Variants in SEZ6L2 observed in about 807,000 individuals in gnomAD.
The protein encoded by SEZ6L2 is seizure 6-like protein 2.
In SEZ6L2, 44 loss-of-function variants were observed where a neutral mutation model predicts 97.0. That is an observed-to-expected ratio of 0.45 (90% CI 0.36 to 0.58). SEZ6L2 has a LOEUF of 0.58. Ranked by LOEUF, SEZ6L2 falls within the 20% of genes least tolerant of loss-of-function variation. The pLI is 0.00. For missense variants in SEZ6L2, 1,086 were observed against 1,233.3 expected (o/e 0.88, Z 1.79); for synonymous variants, 543 against 546.1 (o/e 0.99, Z 0.08).
chr16:29,879,741 T>C, intron 9 of SEZ6L2, 123 bp downstream of exon 9: 1 of 863,776 alleles, frequency 1.2e-6, no homozygotes, highest in Non-Finnish European at 1.8e-6. Context: ...GACAGGGATT[T>C]ACCCAAGGCT....
chr16:29,879,238 T>TTCTG (rs947426642), intron 9 of SEZ6L2, among the ~76,000 whole-genome samples: 1 of 126,538 alleles, frequency 7.9e-6, no homozygotes, highest in Admixed American at 7.4e-5. Context: ...CTTTCTTTCT[T>TTCTG]TTTTGAGACG....
chr16:29,872,894 A>G, intron 14 of SEZ6L2, 151 bp from the exon 15 acceptor site: 1 of 682,720 alleles, frequency 1.5e-6, no homozygotes, highest in Non-Finnish European at 2.5e-6. Flanking sequence ...GGGAAGAGAG[A>G]GGAGTGACCA....
rs371152293 is a variant in SEZ6L2 at position 29,877,359 on chromosome 16, G to T, written c.1821C>A (p.Ser607=). 18 of 1,613,124 alleles carry T rather than the reference G, an allele frequency of 1.1e-5. No individual in the cohort carries two copies. The highest frequency in any genetic ancestry group is 1.5e-5 in the Non-Finnish European group (18 of 1,179,666). ...RGPQPRRRLL[S]SGPDLTLQFQ... ...ACTGCAGTGTGAGGTCGGGCCCAGAGGAGAGAAGGCGGCGGCGCGGCTGAG... is the reference window on the plus strand; with the variant it reads ...ACTGCAGTGTGAGGTCGGGCCCAGATGAGAGAAGGCGGCGGCGCGGCTGAG... The change falls in exon 11 of 18, where the codon TCC becomes TCA. Residue 607 remains serine (S), a synonymous_variant. Transcript: ENST00000617533.
chr16:29,892,127 T>C (rs778155473), intron 5 of SEZ6L2, among the ~76,000 whole-genome samples: 6 of 152,156 alleles, frequency 3.9e-5, no homozygotes, highest in Non-Finnish European at 5.9e-5. Flanking sequence ...GGCTTTGTAA[T>C]GGGAAAGTTT....
At position 29,875,821 on chromosome 16, in the gene SEZ6L2, C is replaced by A. The variant is rs1169598150; in HGVS notation, c.2104+935G>T. 2.0e-5 allele frequency among the ~76,000 whole-genome samples: 3 copies of A among 151,890 alleles called. 1 individual carries two copies. Among genetic ancestry groups the A allele is most frequent in the African/African-American group, 7.3e-5 (3 of 41,346 alleles). On this transcript the variant is annotated intron_variant, in intron 12 of 17. Transcript: ENST00000617533. ...GGGATTACAGGCGTATGCCACCATG[C>A]CCAGATAGTTTTTTATTTTTAGTAG...
chr16:29,895,178 CA>C (rs55954869), intron 5 of SEZ6L2, 80 bp downstream of exon 5: 193,491 of 565,806 alleles, frequency 0.34, 14,326 homozygotes, highest in African/African-American at 0.41. Context: ...GACTCTGTCT[CA>C]AAAAAAAAAA....
chr16:29,871,827 A>G, intron 17 of SEZ6L2, 99 bp from the exon 18 acceptor site: 1 of 1,083,108 alleles, frequency 9.2e-7, no homozygotes, highest in Non-Finnish European at 1.4e-6. Context: ...TTAAAGTAAC[A>G]TTGACCTCTA....
At chr16:29,895,675 G>A (rs1334267647) in intron 4 of SEZ6L2, 46 bp downstream of exon 4, 9 of 1,585,040 alleles carry the variant, frequency 5.7e-6, no homozygotes, top group African/African-American at 2.7e-5. Context: ...ACAGCCCAGA[G>A]GAAAAGGCTT....
At chr16:29,890,965 G>A (rs775402668) in intron 5 of SEZ6L2, among the ~76,000 whole-genome samples, 7 of 148,854 alleles carry the variant, frequency 4.7e-5, no homozygotes, top group South Asian at 4.3e-4. Flanking sequence ...TTTTTGAGAC[G>A]GAGTATTGCT....
In SEZ6L2 at chr16:29,895,443, C is replaced by A; in HGVS notation, c.669G>T (p.Leu223=). ...GCACCAGGAGCTCCTCTTCCTGTGA[C>A]AGGTTCAGCGTCTGCACCTAGAGAA... ...GIEIQVQTLN[L]SQEEELLVLA... The change falls in exon 5 of 18, where the codon CTG becomes CTT. Residue 223 remains leucine (L), a synonymous_variant. Coordinates refer to ENST00000617533, the MANE Select transcript of SEZ6L2 (RefSeq NM_001243332.2). 6.2e-7 allele frequency: 1 copy of A among 1,614,082 alleles called. No individual in the cohort carries two copies. The highest frequency in any genetic ancestry group is 8.5e-7 in the Non-Finnish European group (1 of 1,180,000).
rs749531399 is a variant in SEZ6L2 at position 29,895,340 on chromosome 16, G to A, written c.772C>T (p.Arg258Trp). The A allele has an allele frequency of 3.0e-5, 49 of 1,614,018 alleles. No individual in the cohort carries two copies. Among genetic ancestry groups the A allele is most frequent in the Non-Finnish European group, 3.7e-5 (44 of 1,180,048 alleles). Residue 258 changes from arginine (R) to tryptophan (W), a missense_variant, in exon 5 of 18, where the codon CGG (arginine) becomes TGG (tryptophan). By Grantham distance (101) the Arg-to-Trp change is moderately radical. Coordinates refer to ENST00000617533, the MANE Select transcript of SEZ6L2 (RefSeq NM_001243332.2). The part of the protein sequence containing the change: ...SSMLGEGQVL[R>W]SPTNRLLLHF... The stretch of plus-strand genomic sequence containing the variant: ...AGAAGCAGCCGGTTGGTTGGGCTCC[G>A]AAGGACTTGTCCTTCTCCAAGCATG...
chr16:29,889,193 A>G (rs970308903), intron 5 of SEZ6L2, among the ~76,000 whole-genome samples: 2 of 152,138 alleles, frequency 1.3e-5, no homozygotes, highest in Non-Finnish European at 2.9e-5. Flanking sequence ...CTGTAATCCC[A>G]GCACTTTTGG....
At position 29,872,217 on chromosome 16, in the gene SEZ6L2, C is replaced by G. The variant is rs762236893; in HGVS notation, c.2712G>C (p.Ser904=). ...CTTCATACAGCGGGTTGCTGAAGTC[C>G]GACTCCACGGTGATGGGGCTGTAGG... ...SHSYSPITVE[S]DFSNPLYEAG... The change falls in exon 17 of 18, where the codon TCG becomes TCC. Residue 904 remains serine (S), a synonymous_variant. Coordinates refer to ENST00000617533, the MANE Select transcript of SEZ6L2 (RefSeq NM_001243332.2). 5 of 1,610,248 alleles carry G rather than the reference C, an allele frequency of 3.1e-6. No homozygotes were observed. The African/African-American group carries it at 5.4e-5, about 17-fold the overall frequency.
chr16:29,897,458 A>G (rs999047411), intron 2 of SEZ6L2, among the ~76,000 whole-genome samples: 2 of 150,692 alleles, frequency 1.3e-5, no homozygotes, highest in African/African-American at 4.9e-5. Context: ...TTCTCTCTCG[A>G]ACTCTTTATT....
intron 8 of SEZ6L2, 87 bp downstream of exon 8, chr16:29,885,499 A>G: frequency 7.1e-7 from 1 of 1,414,602 alleles, no homozygotes; most frequent in South Asian, 1.3e-5. Flanking sequence ...ATGAACAGGC[A>G]TAGAGTTTGT....
At chr16:29,891,314 T>C (rs1020980679) in intron 5 of SEZ6L2, among the ~76,000 whole-genome samples, 8 of 149,314 alleles carry the variant, frequency 5.4e-5, no homozygotes, top group Non-Finnish European at 1.2e-4. Flanking sequence ...TCCACCTACC[T>C]TGGCCTCCCA....
intron 8 of SEZ6L2, among the ~76,000 whole-genome samples, chr16:29,883,671 C>T (rs894197004): frequency 2.0e-5 from 3 of 152,120 alleles, no homozygotes; most frequent in South Asian, 2.1e-4. Context: ...GTGGCTCACG[C>T]CTGTAATCCT....
Position 29,895,453 on chromosome 16 carries a change from G to T in SEZ6L2, c.659C>A (p.Thr220Lys). The change falls in exon 5 of 18, where the codon ACG becomes AAG. Residue 220 changes from threonine to lysine, a missense_variant. Thr to Lys is a moderately conservative substitution (Grantham distance 78, BLOSUM62 -1). Around this residue, in one of 2 missense-constraint regions of SEZ6L2, gnomAD observed 776 missense variants for 794.7 expected, o/e 0.98. Coordinates refer to ENST00000617533, the MANE Select transcript of SEZ6L2 (RefSeq NM_001243332.2). Reference sequence around the variant, plus strand: ...CTCCTCTTCCTGTGACAGGTTCAGCGTCTGCACCTAGAGAAGCCAGACACA... The same window carrying T: ...CTCCTCTTCCTGTGACAGGTTCAGCTTCTGCACCTAGAGAAGCCAGACACA... The part of the protein sequence containing the change: ...PGYGIEIQVQ[T>K]LNLSQEEELL... 1.2e-6 allele frequency: 2 copies of T among 1,613,926 alleles called. No homozygotes were observed. The highest frequency in any genetic ancestry group is 1.7e-6 in the Non-Finnish European group (2 of 1,179,906).
intron 12 of SEZ6L2, among the ~76,000 whole-genome samples, chr16:29,874,711 C>T (rs1474536110): frequency 6.6e-6 from 1 of 151,544 alleles, no homozygotes; most frequent in Non-Finnish European, 1.5e-5. Context: ...GCTGCGATTA[C>T]AGGCATTCGC....
Sources: gnomAD v4.1 joint callset for allele counts (sites outside exome capture counted in the v4.1 genomes callset) on GRCh38, gnomAD v4.1.1 for gene constraint, gnomAD v4.1.1 regional missense constraint, MANE v1.5 for transcripts, NCBI Gene and HGNC (gene_info 2026-07-23, HGNC 2026-07-21) for gene names.